Variants in KDM4C observed in about 807,000 individuals in gnomAD.
KDM4C encodes lysine-specific demethylase 4C.
KDM4C carries 81 observed loss-of-function variants against 129.3 expected under a neutral mutation model. The ratio of observed to expected loss-of-function variants is 0.63; its 90% CI spans 0.52 to 0.75. The LOEUF (loss-of-function observed/expected upper bound fraction) is 0.75. Among genes scored for constraint, KDM4C ranks in the 30% least tolerant of loss-of-function variants. The pLI, the probability that KDM4C is intolerant of heterozygous loss-of-function variation, is 0.00. For synonymous variants in KDM4C, 573 were observed against 456.1 expected (o/e 1.26, Z -3.26); for missense variants, 1,457 against 1,304.0 (o/e 1.12, Z -1.81).
intron 17 of KDM4C, among the ~76,000 whole-genome samples, chr9:7,079,148 C>T (rs765642498): frequency 7.9e-5 from 12 of 152,186 alleles, no homozygotes; most frequent in Admixed American, 2.0e-4. Flanking sequence ...TGCCAGGGGC[C>T]AACCTTGGAA....
rs184554979 is a variant in KDM4C at position 7,064,011 on chromosome 9, G to A, written c.2424+14811G>A. ...TGCTGGCTGCTTACAGCTACCCTGC[G>A]CTTGGAATGTGTCAGTGTTACTGAA... On this transcript the variant is annotated intron_variant, in intron 17 of 21. Coordinates refer to ENST00000381309, the MANE Select transcript of KDM4C (RefSeq NM_015061.6). Among the ~76,000 whole-genome samples the A allele has an allele frequency of 5.3e-5, 8 of 152,140 alleles. No individual in the cohort carries two copies. The South Asian group carries it at 1.2e-3, about 24-fold the overall frequency.
intron 1 of KDM4C, among the ~76,000 whole-genome samples, chr9:6,787,883 AG>A (rs1355030943): frequency 6.6e-6 from 1 of 152,190 alleles, no homozygotes; most frequent in African/African-American, 2.4e-5. Flanking sequence ...GATAACTAAG[AG>A]GGGGAGGAAC....
At chr9:7,107,648 T>A (rs1247242022) in intron 18 of KDM4C, among the ~76,000 whole-genome samples, 1 of 152,240 alleles carries the variant, frequency 6.6e-6, no homozygotes, top group Non-Finnish European at 1.5e-5. Context: ...TAATATTCTT[T>A]CCTCTAGAAA....
chr9:6,833,258 C>T (rs1554710189), intron 4 of KDM4C, among the ~76,000 whole-genome samples: 1 of 151,758 alleles, frequency 6.6e-6, no homozygotes, highest in Non-Finnish European at 1.5e-5. Context: ...TTTTAAAAAA[C>T]AGAATGCATA....
intron 12 of KDM4C, among the ~76,000 whole-genome samples, chr9:7,007,069 C>A (rs557473318): frequency 8.9e-4 from 136 of 152,278 alleles, no homozygotes; most frequent in Non-Finnish European, 1.7e-3. Flanking sequence ...ATCTGGTTTC[C>A]CCATTTCCAC....
intron 19 of KDM4C, among the ~76,000 whole-genome samples, chr9:7,134,075 C>G (rs757223046): frequency 5.3e-5 from 8 of 152,198 alleles, no homozygotes; most frequent in South Asian, 2.1e-4. Context: ...TCCCTCTCCC[C>G]CTCCCTGCCA....
chr9:7,085,798 A>T (rs1376160890), intron 17 of KDM4C, among the ~76,000 whole-genome samples: 1 of 152,162 alleles, frequency 6.6e-6, no homozygotes, highest in African/African-American at 2.4e-5. Flanking sequence ...TGAATGGAGC[A>T]TGCAGTCTCA....
chr9:6,757,565 T>C (rs1055854714), upstream of KDM4C: 11 of 937,800 alleles, frequency 1.2e-5, no homozygotes, highest in African/African-American at 2.0e-4. Flanking sequence ...GAGCCCCGAC[T>C]TTCTCGCCAG....
In KDM4C at chr9:6,776,561, C is replaced by G. The variant is rs1386851773; in HGVS notation, c.-17-16411C>G. ...AGCCTCAACACATCTTTCTTTGGCT[C>G]AAGTCCCATTTATCTTCAAGGCCTG... On this transcript the variant is annotated intron_variant, in intron 1 of 21. Coordinates refer to ENST00000381309, the MANE Select transcript of KDM4C (RefSeq NM_015061.6). Among the ~76,000 whole-genome samples, 6 of 142,890 alleles carry G rather than the reference C, an allele frequency of 4.2e-5. No individual in the cohort carries two copies. The East Asian group carries it at 1.3e-3, about 31-fold the overall frequency. The allele number at this position is 142,890 out of a possible 152,430, so 93.7% of individuals were successfully genotyped here. A position where few individuals can be genotyped will look rare whatever the true frequency, so the allele number is the denominator to read the frequency against.
chr9:6,823,982 G>T (rs1248340658), intron 4 of KDM4C, among the ~76,000 whole-genome samples: 1 of 152,202 alleles, frequency 6.6e-6, no homozygotes, highest in Non-Finnish European at 1.5e-5. Flanking sequence ...TACACTTAAT[G>T]TGGGCGCTAG....
chr9:6,814,788 G>T, intron 4 of KDM4C, 43 bp downstream of exon 4: 2 of 1,276,360 alleles, frequency 1.6e-6, no homozygotes, highest in Non-Finnish European at 2.2e-6. Flanking sequence ...ATCATTGGAT[G>T]TGACAGTTTT....
At chr9:6,859,267 A>G (rs904578928) in intron 5 of KDM4C, among the ~76,000 whole-genome samples, 6 of 151,272 alleles carry the variant, frequency 4.0e-5, no homozygotes, top group East Asian at 2.0e-4. Context: ...CACGAGGTCA[A>G]GAGATCAAGA....
In KDM4C at chr9:7,169,817, C is replaced by A. The variant is rs1359983417; in HGVS notation, c.2921C>A (p.Ser974Tyr). The A allele has an allele frequency of 1.2e-6, 2 of 1,604,708 alleles. No homozygotes were observed. Among genetic ancestry groups the A allele is most frequent in the East Asian group, 2.2e-5 (1 of 44,540 alleles). Residue 974 changes from serine to tyrosine, a missense_variant, in exon 21 of 22, where the codon TCC becomes TAC. Transcript: ENST00000381309. ...HMYQVEFEDG[S>Y]QIAMKREDIY... ...CATTAGGTTGAGTTTGAAGATGGAT[C>A]CCAGATAGCAATGAAGAGAGAGGAC... is the stretch of plus-strand genomic sequence containing the variant.
chr9:7,018,872 A>T (rs1475824220), intron 15 of KDM4C, among the ~76,000 whole-genome samples: 1 of 152,338 alleles, frequency 6.6e-6, no homozygotes, highest in East Asian at 1.9e-4. Context: ...CAGAAAATAC[A>T]ATCTTGCTAT....
intron 18 of KDM4C, among the ~76,000 whole-genome samples, chr9:7,118,135 C>T (rs1839114928): frequency 6.6e-6 from 1 of 152,190 alleles, no homozygotes; most frequent in Non-Finnish European, 1.5e-5. Context: ...AGTTTTTTCT[C>T]AGCATCTAAT....
chr9:7,150,286 G>T (rs1842613122), intron 19 of KDM4C, among the ~76,000 whole-genome samples: 2 of 152,158 alleles, frequency 1.3e-5, no homozygotes, highest in Admixed American at 6.5e-5. Context: ...TCTATAATTA[G>T]CTCAGTTTGT....
At chr9:7,174,222 T>TAG (rs1247409537) in intron 21 of KDM4C, among the ~76,000 whole-genome samples, 7 of 129,320 alleles carry the variant, frequency 5.4e-5, no homozygotes, top group African/African-American at 2.0e-4. Context: ...AAAGGTAACT[T>TAG]AGAGATGACT....
Position 7,049,092 on chromosome 9 carries a change from G to A in KDM4C, c.2316G>A (p.Lys772=), listed in dbSNP as rs772075134. The A allele has an allele frequency of 6.2e-7, 1 of 1,607,188 alleles. No individual in the cohort carries two copies. Among genetic ancestry groups the A allele is most frequent in the East Asian group, 2.2e-5 (1 of 44,790 alleles). Residue 772 remains lysine (K), a splice_region_variant and synonymous_variant, in exon 17 of 22, where the codon AAG becomes AAA. Transcript: ENST00000381309. ...GGALKQTKNN[K]WAHVMCAVAV... is the part of the protein sequence containing the mutation. ...ATGTTTAATGTCTCCTTTCCTGTAG[G>A]TGGGCCCATGTCATGTGCGCCGTTG...
intron 17 of KDM4C, among the ~76,000 whole-genome samples, chr9:7,050,250 CT>C (rs66856638): frequency 0.041 from 6,294 of 151,792 alleles, 202 homozygotes; most frequent in Middle Eastern, 0.13. Flanking sequence ...ATTACTGTGG[CT>C]GATGTGAGTG....
Sources: allele counts gnomAD v4.1 joint callset (sites outside exome capture counted in the v4.1 genomes callset), GRCh38; gene constraint gnomAD v4.1.1; transcripts MANE v1.5; gene names NCBI Gene and HGNC (gene_info 2026-07-23, HGNC 2026-07-21).